CNTNAP2: variants seen among roughly 807,000 people sequenced by gnomAD.
The protein encoded by CNTNAP2 is contactin-associated protein-like 2.
A neutral mutation model predicts 155.2 loss-of-function variants in CNTNAP2; 98 were observed. That is an observed-to-expected ratio of 0.63 (90% confidence interval 0.54 to 0.75). The LOEUF (loss-of-function observed/expected upper bound fraction) is 0.75, where lower values mean the gene tolerates loss of function less well. Ranked by LOEUF, CNTNAP2 falls within the 30% of genes least tolerant of loss-of-function variation. CNTNAP2 has a pLI of 0.00. For synonymous variants in CNTNAP2, 651 were observed against 631.2 expected (o/e 1.03, Z -0.47); for missense variants, 1,727 against 1,688.1 (o/e 1.02, Z -0.40).
chr7:147,047,031 C>CAA (rs1230362426), intron 4 of CNTNAP2, among the ~76,000 whole-genome samples: 32 of 49,842 alleles, frequency 6.4e-4, no homozygotes, highest in African/African-American at 1.8e-3. Flanking sequence ...GACTCCGTGT[C>CAA]AAAAAAAAAA....
chr7:146,986,165 C>T (rs932147246), intron 3 of CNTNAP2, among the ~76,000 whole-genome samples: 1 of 152,154 alleles, frequency 6.6e-6, no homozygotes, highest in Admixed American at 6.5e-5. Flanking sequence ...CCCACCCTTT[C>T]TCCATGAGTC....
chr7:146,153,121 T>C (rs1453750992), intron 1 of CNTNAP2, among the ~76,000 whole-genome samples: 4 of 152,150 alleles, frequency 2.6e-5, no homozygotes, highest in Non-Finnish European at 4.4e-5. Context: ...ATGGAAATGT[T>C]TCATGTTACT....
chr7:146,130,184 G>A (rs964153583), intron 1 of CNTNAP2, among the ~76,000 whole-genome samples: 3 of 152,312 alleles, frequency 2.0e-5, no homozygotes, highest in South Asian at 2.1e-4. Flanking sequence ...CAGTCGGGCC[G>A]GGCGTGGTGG....
chr7:147,473,588 A>T (rs1798265291), intron 10 of CNTNAP2, among the ~76,000 whole-genome samples: 1 of 152,194 alleles, frequency 6.6e-6, no homozygotes. Context: ...ATAATACGAA[A>T]GGGAATATGG....
chr7:148,033,527 G>T (rs1432748020), intron 15 of CNTNAP2, among the ~76,000 whole-genome samples: 2 of 152,072 alleles, frequency 1.3e-5, no homozygotes, highest in Admixed American at 6.5e-5. Flanking sequence ...CTGTGTCCCT[G>T]TGTTCTCAAT....
intron 16 of CNTNAP2, among the ~76,000 whole-genome samples, chr7:148,128,917 C>T (rs1804769394): frequency 6.6e-6 from 1 of 152,170 alleles, no homozygotes; most frequent in Non-Finnish European, 1.5e-5. Flanking sequence ...ATGGGTGCCA[C>T]ATAACCGCAG....
intron 15 of CNTNAP2, among the ~76,000 whole-genome samples, chr7:148,094,813 G>A (rs1296873330): frequency 6.6e-6 from 1 of 152,176 alleles, no homozygotes; most frequent in Non-Finnish European, 1.5e-5. Context: ...TAATAGTTAA[G>A]CACGTTCTGA....
chr7:147,627,101 A>G (rs1475622585), intron 12 of CNTNAP2, among the ~76,000 whole-genome samples: 1 of 152,126 alleles, frequency 6.6e-6, no homozygotes, highest in Non-Finnish European at 1.5e-5. Flanking sequence ...AGGAAGCCCC[A>G]TCCCTAGGGT....
intron 21 of CNTNAP2, among the ~76,000 whole-genome samples, chr7:148,287,266 G>T (rs1017358432): frequency 2.6e-5 from 4 of 151,920 alleles, no homozygotes; most frequent in East Asian, 1.9e-4. Context: ...CATTTCTTTT[G>T]ATTGATAAAT....
chr7:147,663,256 A>G lies in CNTNAP2; in HGVS notation c.2098+23950A>G, dbSNP rs1329003635. Among the ~76,000 whole-genome samples the G allele has an allele frequency of 2.0e-5, 3 of 152,202 alleles. No individual in the cohort carries two copies. In the East Asian group the frequency reaches 5.8e-4, roughly 29 times the overall value. On this transcript the variant is annotated intron_variant, in intron 13 of 23. Transcript: ENST00000361727. ...CGTGATCCACCCGCCTTGGCCTCCC[A>G]ACGTGCTGGGATTACAGGCGTAAGC... is the stretch of plus-strand genomic sequence containing the variant.
intron 1 of CNTNAP2, among the ~76,000 whole-genome samples, chr7:146,128,258 T>C (rs1007465094): frequency 2.0e-5 from 3 of 152,216 alleles, no homozygotes; most frequent in Non-Finnish European, 4.4e-5. Context: ...TATTAGGTAC[T>C]GTACTGGTTG....
intron 13 of CNTNAP2, among the ~76,000 whole-genome samples, chr7:147,663,336 T>G (rs1795645963): frequency 6.6e-6 from 1 of 152,246 alleles, no homozygotes; most frequent in South Asian, 2.1e-4. Context: ...TGGCTCTGTA[T>G]GTAACCCTGT....
chr7:148,003,034 A>G (rs369816301), intron 15 of CNTNAP2, among the ~76,000 whole-genome samples: 13 of 152,322 alleles, frequency 8.5e-5, no homozygotes, highest in East Asian at 1.9e-4. Flanking sequence ...GTGGGCCTAC[A>G]GAGAAGGCGA....
chr7:147,294,056 G>A lies in CNTNAP2; in HGVS notation c.1349-6085G>A, dbSNP rs190039072. On this transcript the variant is annotated intron_variant, in intron 8 of 23. Coordinates refer to ENST00000361727, the MANE Select transcript of CNTNAP2 (RefSeq NM_014141.6). The stretch of plus-strand genomic sequence containing the variant: ...TTATAACAATGGTACATACCACACT[G>A]TATGTGGTACAGAATTATAACAGTG... Among the ~76,000 whole-genome samples, 243 of 152,240 alleles carry A rather than the reference G, an allele frequency of 1.6e-3. 3 individuals are homozygous for A. The highest frequency in any genetic ancestry group is 1.9e-4 in the Non-Finnish European group (13 of 68,016).
chr7:147,572,277 C>A (rs1490630835), intron 12 of CNTNAP2, among the ~76,000 whole-genome samples: 2 of 151,756 alleles, frequency 1.3e-5, no homozygotes, highest in East Asian at 3.9e-4. Context: ...TATAGAAGTT[C>A]TCAAATGGTT....
chr7:146,148,766 C>A (rs1297935722), intron 1 of CNTNAP2, among the ~76,000 whole-genome samples: 1 of 151,954 alleles, frequency 6.6e-6, no homozygotes, highest in African/African-American at 2.4e-5. Context: ...CACAGGAGAA[C>A]ATGATACATT....
chr7:148,366,036 ATGCATGTATGCATGTG>A lies in CNTNAP2; in HGVS notation c.3476-17610_3476-17595del, dbSNP rs1798757294. Among the ~76,000 whole-genome samples the A allele has an allele frequency of 2.0e-3, 2 of 996 alleles. 1 individual carries two copies. 0.7% of individuals were successfully genotyped at this position (996 alleles called of 152,430 possible). On this transcript the variant is annotated intron_variant, in intron 21 of 23. Transcript: ENST00000361727. ...TGTATGCATGTATGCATGTGTGTGTATGCATGTATGCATGTGTGTGTATGCATGTATGCATGTATGT... is the reference window on the plus strand; with the variant it reads ...TGTATGCATGTATGCATGTGTGTGTATGTGTATGCATGTATGCATGTATGT...
At chr7:146,146,262 A>C (rs1422504447) in intron 1 of CNTNAP2, among the ~76,000 whole-genome samples, 1 of 152,182 alleles carries the variant, frequency 6.6e-6, no homozygotes, top group Non-Finnish European at 1.5e-5. Flanking sequence ...CTAATTAAAG[A>C]TATTTCAATA....
chr7:147,290,610 G>T (rs773777457), intron 8 of CNTNAP2, among the ~76,000 whole-genome samples: 39 of 150,490 alleles, frequency 2.6e-4, no homozygotes, highest in African/African-American at 5.4e-4. Flanking sequence ...TTGAACCCGG[G>T]AGGTGGAGGT....
Sources: gnomAD v4.1 joint callset for allele counts (sites outside exome capture counted in the v4.1 genomes callset) on GRCh38, gnomAD v4.1.1 for gene constraint, MANE v1.5 for transcripts, NCBI Gene and HGNC (gene_info 2026-07-23, HGNC 2026-07-21) for gene names.